The following TEKT5 variants were observed in gnomAD, a reference collection of about 807,000 sequenced individuals.
TEKT5 encodes tektin 5.
TEKT5 carries 52 observed loss-of-function variants against 48.7 expected under a neutral mutation model. That is an observed-to-expected ratio of 1.07 (90% CI 0.86 to 1.35). The LOEUF (loss-of-function observed/expected upper bound fraction) is 1.35, where lower values mean the gene tolerates loss of function less well. Ranked by LOEUF, TEKT5 falls within the 40% of genes most tolerant of loss-of-function variation. The pLI is 0.00. For synonymous variants in TEKT5, 318 were observed against 267.6 expected (o/e 1.19, Z -1.84); for missense variants, 831 against 641.6 (o/e 1.30, Z -3.19).
chr16:10,678,715 C>T lies in TEKT5; in HGVS notation c.864-2534G>A, dbSNP rs185753214. Among the ~76,000 whole-genome samples the T allele has an allele frequency of 4.6e-5, 7 of 152,284 alleles. No homozygotes were observed. In the East Asian group the frequency reaches 9.6e-4, roughly 21 times the overall value. On this transcript the variant is annotated intron_variant, in intron 4 of 6. Coordinates refer to ENST00000283025, the MANE Select transcript of TEKT5 (RefSeq NM_144674.2). ...AGATTTACTTTGAGTGTCTCTGTTG[C>T]CTCTGAATGGGGGGACAGTGTCAGT...
chr16:10,664,398 G>C (rs1898425179), intron 5 of TEKT5, among the ~76,000 whole-genome samples: 2 of 152,248 alleles, frequency 1.3e-5, no homozygotes, highest in Non-Finnish European at 2.9e-5. Context: ...GATTCAGTGG[G>C]TCCTGGATGG....
At chr16:10,663,467 TCC>T (rs2142288967) in intron 5 of TEKT5, among the ~76,000 whole-genome samples, 1 of 152,280 alleles carries the variant, frequency 6.6e-6, no homozygotes, top group South Asian at 2.1e-4. Context: ...TCAGTGCAGA[TCC>T]CCAGCTCAGG....
At chr16:10,667,317 A>G (rs1898474512) in intron 5 of TEKT5, among the ~76,000 whole-genome samples, 1 of 152,140 alleles carries the variant, frequency 6.6e-6, no homozygotes, top group African/African-American at 2.4e-5. Context: ...TCTCTCCCCT[A>G]CACAGTGAAC....
At chr16:10,644,257 A>G (rs571616984) in intron 5 of TEKT5, among the ~76,000 whole-genome samples, 1 of 152,306 alleles carries the variant, frequency 6.6e-6, no homozygotes, top group Admixed American at 6.5e-5. Flanking sequence ...TGAGTCAGTG[A>G]CTACTATTCC....
chr16:10,662,664 C>CT (rs1439952371), intron 5 of TEKT5, among the ~76,000 whole-genome samples: 1 of 152,220 alleles, frequency 6.6e-6, no homozygotes, highest in Non-Finnish European at 1.5e-5. Flanking sequence ...TTACCCATGA[C>CT]TATCTTGGCA....
intron 5 of TEKT5, among the ~76,000 whole-genome samples, chr16:10,665,361 C>T (rs1898440370): frequency 6.6e-6 from 1 of 152,208 alleles, no homozygotes; most frequent in Non-Finnish European, 1.5e-5. Flanking sequence ...CCAGGCAAAG[C>T]ATATGATTGG....
intron 4 of TEKT5, among the ~76,000 whole-genome samples, chr16:10,681,184 A>G (rs1898742141): frequency 6.6e-6 from 1 of 152,130 alleles, no homozygotes; most frequent in Non-Finnish European, 1.5e-5. Flanking sequence ...TGATTATTCT[A>G]TACTAGGCTC....
At position 10,681,042 on chromosome 16, in the gene TEKT5, CAA is replaced by C. The variant is rs35641359; in HGVS notation, c.863+949_863+950del. ...ATAAATAAATAAATAAGAAAAATACCAAAAAAAAAAAAAAAACCTCACAATGC... is the reference window on the plus strand; with the variant it reads ...ATAAATAAATAAATAAGAAAAATACCAAAAAAAAAAAAAACCTCACAATGC... On this transcript the variant is annotated intron_variant, in intron 4 of 6. Transcript: ENST00000283025. 6.0e-3 allele frequency among the ~76,000 whole-genome samples: 747 copies of C among 125,202 alleles called. 6 individuals carry two copies. The highest frequency in any genetic ancestry group is 0.019 in the African/African-American group (653 of 34,002). 82.1% of individuals were successfully genotyped at this position (125,202 alleles called of 152,430 possible).
chr16:10,629,158 C>T (rs1201211810), intron 6 of TEKT5, among the ~76,000 whole-genome samples: 2 of 152,024 alleles, frequency 1.3e-5, no homozygotes, highest in Admixed American at 6.6e-5. Flanking sequence ...TTGATGAAAA[C>T]ATCACAGAAC....
intron 5 of TEKT5, among the ~76,000 whole-genome samples, chr16:10,642,184 A>G (rs777373729): frequency 9.2e-5 from 14 of 152,300 alleles, no homozygotes; most frequent in Non-Finnish European, 1.6e-4. Context: ...TGCTGACCCT[A>G]GAGGCACTAG....
chr16:10,690,459 G>A, intron 1 of TEKT5: 2 of 622,370 alleles, frequency 3.2e-6, no homozygotes, highest in Non-Finnish European at 4.0e-6. Flanking sequence ...TGTGCATTTG[G>A]GCAAACTGCT....
chr16:10,676,573 T>C (rs1402897050), intron 4 of TEKT5, among the ~76,000 whole-genome samples: 2 of 152,082 alleles, frequency 1.3e-5, no homozygotes, highest in Non-Finnish European at 2.9e-5. Flanking sequence ...AGAGAGCTCT[T>C]TTCCCTAACA....
chr16:10,674,515 GTC>G (rs1898607729), intron 5 of TEKT5, among the ~76,000 whole-genome samples: 1 of 147,706 alleles, frequency 6.8e-6, no homozygotes, highest in Non-Finnish European at 1.5e-5. Context: ...CGCACACGTA[GTC>G]TCAGCTACTT....
At chr16:10,661,904 G>A (rs1894966) in intron 5 of TEKT5, among the ~76,000 whole-genome samples, 66,897 of 151,990 alleles carry the variant, frequency 0.44, 15,665 homozygotes, top group East Asian at 0.77. Context: ...TAGGTAACCC[G>A]TGTAATGTGT....
At chr16:10,647,798 C>T (rs1898094232) in intron 5 of TEKT5, among the ~76,000 whole-genome samples, 1 of 152,180 alleles carries the variant, frequency 6.6e-6, no homozygotes, top group Admixed American at 6.5e-5. Flanking sequence ...TTCATTCATC[C>T]ACAGAGTCAT....
Position 10,689,996 on chromosome 16 carries a change from C to G in TEKT5, c.594G>C (p.Glu198Asp), listed in dbSNP as rs767441494. ...GGACCAAATCAATCCCAATCCTCTT[C>G]TCTCGATGGTACAGACACTCCAAGG... Reference protein sequence around the residue: ...QVALECLYHREKRIGIDLVHD... With the variant: ...QVALECLYHRDKRIGIDLVHD... The change falls in exon 2 of 7, where the codon GAG (glutamate) becomes GAC (aspartate). Residue 198 changes from glutamate (E) to aspartate (D), a missense_variant. By Grantham distance (45) the Glu-to-Asp change is conservative. Transcript: ENST00000283025. 1 of 1,614,130 alleles carries G rather than the reference C, an allele frequency of 6.2e-7. No individual in the cohort carries two copies. Among genetic ancestry groups the G allele is most frequent in the South Asian group, 1.1e-5 (1 of 91,068 alleles).
chr16:10,645,673 A>G (rs928680865), intron 5 of TEKT5, among the ~76,000 whole-genome samples: 7 of 152,138 alleles, frequency 4.6e-5, no homozygotes, highest in Non-Finnish European at 1.0e-4. Context: ...CATGGTGGCA[A>G]GCACCTGTAA....
chr16:10,675,831 A>C (rs1221171643), intron 5 of TEKT5, 128 bp downstream of exon 5: 12 of 880,230 alleles, frequency 1.4e-5, no homozygotes, highest in Non-Finnish European at 2.1e-5. Context: ...AAGACCACAG[A>C]CCTTGGGAGA....
intron 5 of TEKT5, among the ~76,000 whole-genome samples, chr16:10,643,135 C>T (rs1013680089): frequency 6.6e-6 from 1 of 151,976 alleles, no homozygotes; most frequent in Non-Finnish European, 1.5e-5. Flanking sequence ...AATCCCAGCA[C>T]TTTGGGATGC....
Sources: allele counts gnomAD v4.1 joint callset (sites outside exome capture counted in the v4.1 genomes callset), GRCh38; gene constraint gnomAD v4.1.1; transcripts MANE v1.5; gene names NCBI Gene and HGNC (gene_info 2026-07-23, HGNC 2026-07-21).